SMG6: variants seen among roughly 807,000 people sequenced by gnomAD.
SMG6 encodes the protein SMG6 nonsense mediated mRNA decay factor, also known as telomerase-binding protein EST1A.
A neutral mutation model predicts 142.2 loss-of-function variants in SMG6; 66 were observed. The observed-to-expected ratio is 0.46, with a 90% CI of 0.38 to 0.57. SMG6 has a LOEUF of 0.57. Among genes scored for constraint, SMG6 ranks in the 20% least tolerant of loss-of-function variants. The pLI, the probability that SMG6 is intolerant of heterozygous loss-of-function variation, is 0.00. For missense variants in SMG6, 1,793 were observed against 1,832.0 expected, an observed-to-expected ratio of 0.98 and a Z score of 0.39; for synonymous variants, 779 against 702.4, an observed-to-expected ratio of 1.11 and a Z score of -1.72.
At chr17:2,230,396 G>A (rs1041377379) in intron 10 of SMG6, among the ~76,000 whole-genome samples, 7 of 149,082 alleles carry the variant, frequency 4.7e-5, no homozygotes. Context: ...ACGAAATCTG[G>A]GCAACATGGG....
chr17:2,298,801 T>C (rs987367026), intron 2 of SMG6, 105 bp downstream of exon 2: 9 of 995,482 alleles, frequency 9.0e-6, no homozygotes, highest in Non-Finnish European at 1.3e-5. Flanking sequence ...AAGGAAATAA[T>C]ACCCAGTGGC....
chr17:2,208,020 T>C (rs1265351616), intron 10 of SMG6, among the ~76,000 whole-genome samples: 1 of 152,114 alleles, frequency 6.6e-6, no homozygotes, highest in Non-Finnish European at 1.5e-5. Context: ...TCCAAGCACT[T>C]TGGGAGGTCG....
intron 13 of SMG6, among the ~76,000 whole-genome samples, chr17:2,145,102 T>C (rs1181280296): frequency 6.6e-6 from 1 of 152,064 alleles, no homozygotes; most frequent in African/African-American, 2.4e-5. Context: ...GCATTTTATG[T>C]TATTTATTTA....
At chr17:2,300,747 G>A in intron 1 of SMG6, 83 bp from the exon 2 acceptor site, 2 of 1,286,990 alleles carry the variant, frequency 1.6e-6, no homozygotes, top group Non-Finnish European at 1.1e-6. Context: ...CTGTCATTCT[G>A]GTTAAGTAAC....
At chr17:2,098,159 T>C (rs898015151) in intron 13 of SMG6, among the ~76,000 whole-genome samples, 4 of 152,098 alleles carry the variant, frequency 2.6e-5, no homozygotes, top group South Asian at 2.1e-4. Flanking sequence ...TGGCTGTGTG[T>C]TCTGTAGAGA....
intron 18 of SMG6, chr17:2,062,824 G>A (rs2067822640): frequency 6.6e-6 from 1 of 152,378 alleles, no homozygotes. Flanking sequence ...CAGGGAGGCT[G>A]AGAACTGGCT....
At position 2,282,771 on chromosome 17, in the gene SMG6, A is replaced by C. The variant is rs2074817561; in HGVS notation, c.2537T>G (p.Val846Gly). 7 of 1,614,064 alleles carry C rather than the reference A, an allele frequency of 4.3e-6. No individual in the cohort carries two copies. Among genetic ancestry groups the C allele is most frequent in the Non-Finnish European group, 5.9e-6 (7 of 1,180,044 alleles). Residue 846 changes from valine (V) to glycine (G), a missense_variant, in exon 8 of 19, where the codon GTT becomes GGT. Coordinates refer to ENST00000263073, the MANE Select transcript of SMG6 (RefSeq NM_017575.5). ...CTCCAGGCGAGTGGTGTCATCTCCA[A>C]CATGCCGGAAAGTAGACTTCTTTCC... ...RKGKKSTFRHVGDDTTRLEIW... is the reference protein window; with the variant it reads ...RKGKKSTFRHGGDDTTRLEIW...
chr17:2,179,151 G>A (rs2071732764), intron 12 of SMG6, among the ~76,000 whole-genome samples: 2 of 152,168 alleles, frequency 1.3e-5, no homozygotes, highest in Admixed American at 6.5e-5. Context: ...CAGTGCTAAC[G>A]CCCCAACCCG....
rs1310349697 is a variant in SMG6, at chr17:2,235,318, T to C, written c.2869+1174A>G. The stretch of plus-strand genomic sequence containing the variant: ...GGCAGCATGAGAGGAGGAAATCCTC[T>C]AGGATTCAGAAGTAACTGAGAACCC... On this transcript the variant is annotated intron_variant, in intron 10 of 18. Transcript: ENST00000263073. 5.9e-5 allele frequency among the ~76,000 whole-genome samples: 9 copies of C among 152,294 alleles called. No individual in the cohort carries two copies. The East Asian group carries it at 1.7e-3, about 29-fold the overall frequency.
chr17:2,064,836 A>T (rs936746596), intron 18 of SMG6, among the ~76,000 whole-genome samples: 7 of 152,196 alleles, frequency 4.6e-5, no homozygotes, highest in Admixed American at 4.6e-4. Context: ...CTCGCGGCCT[A>T]GGGCTGGGCT....
chr17:2,131,402 TCTC>T, intron 13 of SMG6, among the ~76,000 whole-genome samples: 1 of 152,066 alleles, frequency 6.6e-6, no homozygotes, highest in Admixed American at 6.6e-5. Flanking sequence ...TTCAAGCGAT[TCTC>T]CTGCCTCAGC....
chr17:2,244,810 C>A, intron 8 of SMG6, 91 bp from the exon 9 acceptor site: 1 of 1,121,370 alleles, frequency 8.9e-7, no homozygotes, highest in Non-Finnish European at 1.3e-6. Context: ...ATAACCTGGC[C>A]AGGGTCTAAG....
chr17:2,091,831 C>T (rs1438263963), intron 13 of SMG6, among the ~76,000 whole-genome samples: 1 of 129,800 alleles, frequency 7.7e-6, no homozygotes, highest in Non-Finnish European at 1.7e-5. Context: ...CCACCACGCC[C>T]AGCTAATTTT....
At chr17:2,098,363 C>T (rs7213049) in intron 13 of SMG6, among the ~76,000 whole-genome samples, 27,695 of 152,116 alleles carry the variant, frequency 0.18, 3,282 homozygotes, top group African/African-American at 0.33. Flanking sequence ...TTATGGAGTA[C>T]AAGCCCTCCA....
intron 10 of SMG6, among the ~76,000 whole-genome samples, chr17:2,212,211 T>C (rs889387903): frequency 1.3e-5 from 2 of 152,176 alleles, no homozygotes; most frequent in Admixed American, 1.3e-4. Context: ...TGGGATCCAT[T>C]CAGCGAAAAG....
intron 13 of SMG6, among the ~76,000 whole-genome samples, chr17:2,142,265 G>A (rs976307812): frequency 8.5e-5 from 13 of 152,206 alleles, no homozygotes; most frequent in Non-Finnish European, 1.8e-4. Context: ...ATTCAAGAAA[G>A]TGCAAGGACA....
At chr17:2,168,704 C>T (rs1337704017) in intron 13 of SMG6, among the ~76,000 whole-genome samples, 1 of 151,904 alleles carries the variant, frequency 6.6e-6, no homozygotes, top group Non-Finnish European at 1.5e-5. Context: ...TGGTGAGACC[C>T]CGTCTCTATT....
At chr17:2,282,181 T>C (rs913929749) in intron 8 of SMG6, among the ~76,000 whole-genome samples, 6 of 152,124 alleles carry the variant, frequency 3.9e-5, no homozygotes, top group Admixed American at 2.6e-4. Flanking sequence ...TTTTCTACTG[T>C]CATTTCTCCT....
Position 2,300,099 on chromosome 17 carries a change from C to G in SMG6, c.654G>C (p.Lys218Asn). The G allele has an allele frequency of 6.2e-7, 1 of 1,614,200 alleles. No individual in the cohort carries two copies. Among genetic ancestry groups the G allele is most frequent in the Non-Finnish European group, 8.5e-7 (1 of 1,180,040 alleles). The change falls in exon 2 of 19, where the codon AAG becomes AAC. Residue 218 changes from lysine (K) to asparagine (N), a missense_variant. Transcript: ENST00000263073. Reference sequence around the variant, plus strand: ...TCACCCCCTCCCCTTTTCCCATCCTCTTTCCTTTTTCTCCTTTTGCAGCCC... The same window carrying G: ...TCACCCCCTCCCCTTTTCCCATCCTGTTTCCTTTTTCTCCTTTTGCAGCCC... The part of the protein sequence containing the change: ...RVGAAKGEKG[K>N]RMGKGEGVRE...
Sources: allele counts gnomAD v4.1 joint callset (sites outside exome capture counted in the v4.1 genomes callset), GRCh38; gene constraint gnomAD v4.1.1; transcripts MANE v1.5; gene names NCBI Gene and HGNC (gene_info 2026-07-23, HGNC 2026-07-21).